Variants in CHCHD3 observed in about 807,000 individuals in gnomAD.
The protein encoded by CHCHD3 is MICOS complex subunit MIC19.
CHCHD3 carries 20 observed loss-of-function variants against 38.2 expected under a neutral mutation model. That is an observed-to-expected ratio of 0.52 (90% CI 0.37 to 0.76). CHCHD3 has a LOEUF of 0.76. Ranked by LOEUF, CHCHD3 falls within the 30% of genes least tolerant of loss-of-function variation. CHCHD3 has a pLI of 0.00. For missense variants in CHCHD3, 245 were observed against 279.2 expected, an observed-to-expected ratio of 0.88 and a Z score of 0.87; for synonymous variants, 82 against 100.0, an observed-to-expected ratio of 0.82 and a Z score of 1.07.
chr7:133,068,603 G>C (rs904177295), intron 2 of CHCHD3, among the ~76,000 whole-genome samples: 2 of 152,210 alleles, frequency 1.3e-5, no homozygotes, highest in Non-Finnish European at 2.9e-5. Flanking sequence ...CAGGGGGAAA[G>C]AGTGAAGCAG....
rs1309902519 is a variant in CHCHD3 at position 133,081,973 on chromosome 7, G to A, written c.-36C>T. On this transcript the variant is annotated 5_prime_UTR_variant, in exon 1 of 8. Coordinates refer to ENST00000262570, the MANE Select transcript of CHCHD3 (RefSeq NM_017812.4). ...CCTGCCCCAGCGGAGACCTAGCGGGGAACCACGAGCACTTCGGGGCCCCCG... is the reference window on the plus strand; with the variant it reads ...CCTGCCCCAGCGGAGACCTAGCGGGAAACCACGAGCACTTCGGGGCCCCCG... 1 of 1,510,922 alleles carries A rather than the reference G, an allele frequency of 6.6e-7. No individual in the cohort carries two copies. The highest frequency in any genetic ancestry group is 2.5e-5 in the East Asian group (1 of 39,478). The allele number at this position is 1,510,922 out of a possible 1,614,324, so 93.6% of individuals were successfully genotyped here.
intron 2 of CHCHD3, among the ~76,000 whole-genome samples, chr7:133,060,512 G>A (rs1639679878): frequency 6.6e-6 from 1 of 152,204 alleles, no homozygotes; most frequent in African/African-American, 2.4e-5. Flanking sequence ...TCTGAACAAT[G>A]AGCAGGAGTT....
intron 3 of CHCHD3, among the ~76,000 whole-genome samples, chr7:133,020,548 A>T (rs1391372104): frequency 6.6e-6 from 1 of 152,206 alleles, no homozygotes; most frequent in Non-Finnish European, 1.5e-5. Context: ...TATGGTCTGA[A>T]GTGTACATGG....
chr7:133,058,315 CT>C (rs1431001576), intron 2 of CHCHD3, among the ~76,000 whole-genome samples: 2 of 151,732 alleles, frequency 1.3e-5, no homozygotes, highest in East Asian at 3.9e-4. Context: ...ACATAGTACA[CT>C]TCCAAGCTCG....
At chr7:132,973,039 T>C in intron 4 of CHCHD3, 1 of 985,402 alleles carries the variant, frequency 1.0e-6, no homozygotes, top group Non-Finnish European at 1.2e-6. Flanking sequence ...CTTTCACATT[T>C]TTTTGTGAAA....
chr7:132,891,044 G>A (rs1200121561), intron 4 of CHCHD3, among the ~76,000 whole-genome samples: 1 of 152,130 alleles, frequency 6.6e-6, no homozygotes, highest in Non-Finnish European at 1.5e-5. Context: ...AAAGGAGGCC[G>A]AACCATAAAC....
chr7:133,041,251 C>T (rs1415406722), intron 2 of CHCHD3, among the ~76,000 whole-genome samples: 1 of 152,122 alleles, frequency 6.6e-6, no homozygotes, highest in Non-Finnish European at 1.5e-5. Context: ...ATACCATTAC[C>T]TCATTAGATT....
chr7:132,921,414 T>G (rs1192357325), intron 4 of CHCHD3, among the ~76,000 whole-genome samples: 1 of 152,126 alleles, frequency 6.6e-6, no homozygotes, highest in African/African-American at 2.4e-5. Flanking sequence ...TGGGACAAGT[T>G]TCAGTATTCA....
chr7:133,064,852 A>C (rs1814625274), intron 2 of CHCHD3, among the ~76,000 whole-genome samples: 1 of 152,136 alleles, frequency 6.6e-6, no homozygotes, highest in Non-Finnish European at 1.5e-5. Context: ...GCTTACGAAA[A>C]CAACAAAACA....
chr7:132,979,573 GA>G (rs36103325), intron 3 of CHCHD3, among the ~76,000 whole-genome samples: 32,176 of 152,122 alleles, frequency 0.21, 3,682 homozygotes, highest in South Asian at 0.28. Flanking sequence ...TGGGGAAGGA[GA>G]AAGTGTCTTA....
At chr7:132,872,434 T>G (rs898118714) in intron 5 of CHCHD3, among the ~76,000 whole-genome samples, 1 of 152,310 alleles carries the variant, frequency 6.6e-6, no homozygotes, top group Middle Eastern at 3.4e-3. Context: ...CTGGGCTGAT[T>G]TGGCTTCGCT....
At chr7:133,023,628 C>T (rs1448491289) in intron 3 of CHCHD3, among the ~76,000 whole-genome samples, 1 of 152,180 alleles carries the variant, frequency 6.6e-6, no homozygotes, top group African/African-American at 2.4e-5. Flanking sequence ...GTGCAAACTC[C>T]AGAAATAGTA....
At chr7:132,858,659 T>C (rs1460053248) in intron 5 of CHCHD3, among the ~76,000 whole-genome samples, 1 of 152,206 alleles carries the variant, frequency 6.6e-6, no homozygotes, top group Non-Finnish European at 1.5e-5. Context: ...TGAGAGTTTG[T>C]ATGTTAGAAA....
intron 4 of CHCHD3, chr7:132,973,810 T>C (rs543034824): frequency 9.1e-7 from 1 of 1,103,430 alleles, no homozygotes; most frequent in Admixed American, 4.8e-5. Flanking sequence ...AGTTTTAGTG[T>C]TTCCCAATTG....
intron 3 of CHCHD3, among the ~76,000 whole-genome samples, chr7:132,986,498 A>G (rs1198782007): frequency 6.6e-6 from 1 of 152,086 alleles, no homozygotes; most frequent in Non-Finnish European, 1.5e-5. Context: ...TTACCTATAG[A>G]CTCTAATGCG....
rs1282046692 is a variant in CHCHD3 at position 132,974,048 on chromosome 7, G to A, written c.369+1121C>T. Reference sequence around the variant, plus strand: ...ATCTATCAAATAACAATAAGAAATTGCTTAATAAATTATGTTGAATACAAA... The same window carrying A: ...ATCTATCAAATAACAATAAGAAATTACTTAATAAATTATGTTGAATACAAA... On this transcript the variant is annotated intron_variant, in intron 4 of 7. Transcript: ENST00000262570. 3 of 1,272,268 alleles carry A rather than the reference G, an allele frequency of 2.4e-6. No individual in the cohort carries two copies. In the Admixed American group the frequency reaches 7.7e-5, roughly 33 times the overall value. The allele number at this position is 1,272,268 out of a possible 1,614,324, so 78.8% of individuals were successfully genotyped here. A position where few individuals can be genotyped will look rare whatever the true frequency, so the allele number is the denominator to read the frequency against.
rs1174612602 is a variant in CHCHD3, at chr7:133,035,860, C to A, written c.170-11233G>T. 14 of 1,612,982 alleles carry A rather than the reference C, an allele frequency of 8.7e-6. No homozygotes were observed. Among genetic ancestry groups the A allele is most frequent in the Admixed American group, 1.7e-5 (1 of 59,992 alleles). On this transcript the variant is annotated intron_variant, in intron 2 of 7. Transcript: ENST00000262570. The surrounding 1 kb of genome is among the most constrained non-coding windows in gnomAD (Gnocchi z 4.7). ...ATCTGAGCCCCGCTGTACTGAGCAG[C>A]GATGAGAGCCTTGAAGGCCCTCCAG...
intron 3 of CHCHD3, among the ~76,000 whole-genome samples, chr7:132,990,067 A>C (rs1812232229): frequency 6.6e-6 from 1 of 152,020 alleles, no homozygotes; most frequent in Non-Finnish European, 1.5e-5. Context: ...CAGCTACTGG[A>C]GAGGCTGAGG....
In CHCHD3 at chr7:132,837,243, A is replaced by C. The variant is rs766118327; in HGVS notation, c.524+1156T>G. ...GTTCTCATGGGATAGAGACAAAAAA[A>C]GGTTTACCACCTAAAAAAAAGTCAT... On this transcript the variant is annotated intron_variant, in intron 6 of 7. Coordinates refer to ENST00000262570, the MANE Select transcript of CHCHD3 (RefSeq NM_017812.4). Among the ~76,000 whole-genome samples, 13 of 152,342 alleles carry C rather than the reference A, an allele frequency of 8.5e-5. 1 individual carries two copies. The South Asian group carries it at 2.1e-3, about 24-fold the overall frequency.
Sources: allele counts gnomAD v4.1 joint callset (sites outside exome capture counted in the v4.1 genomes callset), GRCh38; gene constraint gnomAD v4.1.1; non-coding constraint Gnocchi (gnomAD v3.1); transcripts MANE v1.5; gene names NCBI Gene and HGNC (gene_info 2026-07-23, HGNC 2026-07-21).